NIPSNAP3A: variants seen among roughly 807,000 people sequenced by gnomAD.
NIPSNAP3A encodes the protein nipsnap homolog 3A.
A neutral mutation model predicts 32.3 loss-of-function variants in NIPSNAP3A; 27 were observed. That is an observed-to-expected ratio of 0.84 (90% CI 0.62 to 1.15). NIPSNAP3A has a LOEUF of 1.15. Ranked by LOEUF, NIPSNAP3A falls within the 50% of genes most tolerant of loss-of-function variation. The pLI is 0.00. For missense variants in NIPSNAP3A, 278 were observed against 297.2 expected (o/e 0.94, Z 0.48); for synonymous variants, 108 against 107.3 (o/e 1.01, Z -0.04).
rs1827947592 is a variant in NIPSNAP3A at position 104,759,465 on chromosome 9, T to C, written c.*127T>C. ...TGTTAAGTTAATTTGCTATGTTTCT[T>C]GCATTATGAAGGCTACATCTGTGCT... On this transcript the variant is annotated 3_prime_UTR_variant, in exon 6 of 6. Coordinates refer to ENST00000374767, the MANE Select transcript of NIPSNAP3A (RefSeq NM_015469.3). 9 of 909,594 alleles carry C rather than the reference T, an allele frequency of 9.9e-6. 2 individuals are homozygous for C. In the East Asian group the frequency reaches 2.4e-4, roughly 24 times the overall value. The allele number at this position is 909,594 out of a possible 1,614,324, so 56.3% of individuals were successfully genotyped here.
chr9:104,758,766 C>T (rs1309326426), intron 4 of NIPSNAP3A, among the ~76,000 whole-genome samples: 1 of 151,102 alleles, frequency 6.6e-6, no homozygotes, highest in Non-Finnish European at 1.5e-5. Flanking sequence ...TCGAGACCAG[C>T]CTGCCCAACA....
intron 4 of NIPSNAP3A, among the ~76,000 whole-genome samples, chr9:104,756,760 T>C (rs1359665874): frequency 6.6e-6 from 1 of 151,656 alleles, no homozygotes; most frequent in Non-Finnish European, 1.5e-5. Context: ...GTATATAACA[T>C]ACATAGTAGT....
intron 1 of NIPSNAP3A, 146 bp downstream of exon 1, chr9:104,747,998 C>CCCCGAAACCCCAAGACAGGGGTA: frequency 1.5e-6 from 1 of 684,356 alleles, no homozygotes; most frequent in East Asian, 3.0e-5. Flanking sequence ...CTAGCGTGAG[C>CCCCGAAACCCCAAGACAGGGGTA]CCCGGAACCC....
chr9:104,754,448 C>A (rs2118755266), intron 3 of NIPSNAP3A, 103 bp from the exon 4 acceptor site: 1 of 932,772 alleles, frequency 1.1e-6, no homozygotes. Context: ...CATGTCTGAT[C>A]CTCCAAATCT....
intron 1 of NIPSNAP3A, among the ~76,000 whole-genome samples, 179 bp from the exon 2 acceptor site, chr9:104,750,777 G>T (rs1379005254): frequency 2.6e-5 from 4 of 152,044 alleles, no homozygotes; most frequent in Non-Finnish European, 4.4e-5. Flanking sequence ...CCAGTTCTTT[G>T]TTCAAACACC....
intron 4 of NIPSNAP3A, among the ~76,000 whole-genome samples, chr9:104,755,477 A>G (rs1424284531): frequency 6.6e-6 from 1 of 152,042 alleles, no homozygotes; most frequent in South Asian, 2.1e-4. Context: ...GTAAATATGT[A>G]TATATATTGA....
rs1480874840 is a variant in NIPSNAP3A, at chr9:104,747,961, G to T, written c.60+109G>T. 7.8e-6 allele frequency: 9 copies of T among 1,146,634 alleles called. 1 individual carries two copies. Among genetic ancestry groups the T allele is most frequent in the South Asian group, 7.5e-5 (5 of 66,262 alleles). The allele number at this position is 1,146,634 out of a possible 1,614,324, so 71.0% of individuals were successfully genotyped here. A position where few individuals can be genotyped will look rare whatever the true frequency, so the allele number is the denominator to read the frequency against. Reference sequence around the variant, plus strand: ...TGCGCATGCGCTCTCCGCCACGCGCGCCCAGACCTGGGGCCCCGGTGAGGT... The same window carrying T: ...TGCGCATGCGCTCTCCGCCACGCGCTCCCAGACCTGGGGCCCCGGTGAGGT... On this transcript the variant is annotated intron_variant, in intron 1 of 5. Transcript: ENST00000374767.
At position 104,752,951 on chromosome 9, in the gene NIPSNAP3A, A is replaced by G. The variant is rs147815393; in HGVS notation, c.317A>G (p.Asp106Gly). 4 of 1,613,300 alleles carry G rather than the reference A, an allele frequency of 2.5e-6. No homozygotes were observed. In the African/African-American group the frequency reaches 4.0e-5, roughly 16 times the overall value. Residue 106 changes from aspartate (D) to glycine (G), a missense_variant, in exon 3 of 6, where the codon GAT (aspartate) becomes GGT (glycine). Transcript: ENST00000374767. ...GAAGTTCGGAAAGCCTTGGCCAAAGATAAGGAATGGCAAGAACAATTCCTC... is the reference window on the plus strand; with the variant it reads ...GAAGTTCGGAAAGCCTTGGCCAAAGGTAAGGAATGGCAAGAACAATTCCTC... ...RTEVRKALAK[D>G]KEWQEQFLIP...
rs757477439 is a variant in NIPSNAP3A, at chr9:104,759,066, T to C, written c.581-19T>C. On this transcript the variant is annotated intron_variant, in intron 4 of 5. Transcript: ENST00000374767. ...TAAGGCCATATTTTTTAGAAGCTACTTGTGGTTTATTTCTGCAGTTCATGT... is the reference window on the plus strand; with the variant it reads ...TAAGGCCATATTTTTTAGAAGCTACCTGTGGTTTATTTCTGCAGTTCATGT... 6.2e-7 allele frequency: 1 copy of C among 1,606,150 alleles called. No homozygotes were observed. The highest frequency in any genetic ancestry group is 8.5e-7 in the Non-Finnish European group (1 of 1,175,808).
At chr9:104,758,805 C>CAAAA (rs768554060) in intron 4 of NIPSNAP3A, among the ~76,000 whole-genome samples, 1 of 117,088 alleles carries the variant, frequency 8.5e-6, no homozygotes, top group Admixed American at 8.6e-5. Context: ...ACTAAAAATA[C>CAAAA]AAAAAAAAAA....
In NIPSNAP3A at chr9:104,754,559, G is replaced by A. The variant is rs1205285729; in HGVS notation, c.439G>A (p.Glu147Lys). The A allele has an allele frequency of 1.9e-6, 3 of 1,613,842 alleles. No individual in the cohort carries two copies. Among genetic ancestry groups the A allele is most frequent in the Non-Finnish European group, 2.5e-6 (3 of 1,180,012 alleles). ...TTTTCTCCCTATTCCAGGAGTCTAT[G>A]AACTGGCCACTTTTCAGATGAAACC... Reference protein sequence around the residue: ...LEKPPKEGVYELATFQMKPGG... With the variant: ...LEKPPKEGVYKLATFQMKPGG... The change falls in exon 4 of 6, where the codon GAA becomes AAA. Residue 147 changes from glutamate (E) to lysine (K), a missense_variant. Physicochemically the swap from Glu to Lys is moderately conservative, Grantham distance 56. Transcript: ENST00000374767.
intron 1 of NIPSNAP3A, among the ~76,000 whole-genome samples, chr9:104,748,304 C>CG (rs1239887621): frequency 6.6e-6 from 1 of 152,208 alleles, no homozygotes; most frequent in Non-Finnish European, 1.5e-5. Flanking sequence ...GAATTGTCAA[C>CG]CAGCCGCTTG....
chr9:104,759,328 C>T lies in NIPSNAP3A; in HGVS notation c.734C>T (p.Pro245Leu), dbSNP rs141631987. The change falls in exon 6 of 6, where the codon CCA (proline) becomes CTA (leucine). Residue 245 changes from proline (P) to leucine (L), a missense_variant. Pro to Leu is a moderately conservative substitution (Grantham distance 98, BLOSUM62 -3). Coordinates refer to ENST00000374767, the MANE Select transcript of NIPSNAP3A (RefSeq NM_015469.3). ...CTTCTGATTCCTACATCGTTTTCAC[C>T]ACTGAAATAGTTTTCTACTGAAATA... ...NMLLIPTSFSPLK is the reference protein window; with the variant it reads ...NMLLIPTSFSLLK 92 of 1,613,198 alleles carry T rather than the reference C, an allele frequency of 5.7e-5. 1 individual carries two copies. The African/African-American group carries it at 1.1e-3, about 18-fold the overall frequency.
intron 2 of NIPSNAP3A, 25 bp from the exon 3 acceptor site, chr9:104,752,881 T>C: frequency 6.2e-7 from 1 of 1,600,218 alleles, no homozygotes. Flanking sequence ...ATTTTTTATT[T>C]TTCTTAATTC....
chr9:104,755,646 T>A (rs1261718890), intron 4 of NIPSNAP3A, among the ~76,000 whole-genome samples: 1 of 152,174 alleles, frequency 6.6e-6, no homozygotes, highest in South Asian at 2.1e-4. Context: ...AAAGAGCTGA[T>A]GAGGTAGCTC....
chr9:104,759,096 T>C lies in NIPSNAP3A; in HGVS notation c.592T>C (p.Trp198Arg), dbSNP rs1463127536. Residue 198 changes from tryptophan (W) to arginine (R), a missense_variant, in exon 5 of 6, where the codon TGG (tryptophan) becomes CGG (arginine). Trp to Arg is a moderately radical substitution (Grantham distance 101). Coordinates refer to ENST00000374767, the MANE Select transcript of NIPSNAP3A (RefSeq NM_015469.3). Reference sequence around the variant, plus strand: ...GTTTATTTCTGCAGTTCATGTTCTTTGGTGGAATGAGAGTGCAGATAGTCG... The same window carrying C: ...GTTTATTTCTGCAGTTCATGTTCTTCGGTGGAATGAGAGTGCAGATAGTCG... ...YGALNRVHVL[W>R]WNESADSRAA... 6.2e-7 allele frequency: 1 copy of C among 1,612,104 alleles called. No homozygotes were observed. The highest frequency in any genetic ancestry group is 1.7e-5 in the Admixed American group (1 of 59,786).
At chr9:104,759,039 G>A (rs374573300) in intron 4 of NIPSNAP3A, 46 bp from the exon 5 acceptor site, 6 of 1,293,534 alleles carry the variant, frequency 4.6e-6, no homozygotes, top group Middle Eastern at 2.6e-4. Flanking sequence ...TTTCTTATTT[G>A]TTAAGGCCAT....
chr9:104,750,850 G>A, intron 1 of NIPSNAP3A, 106 bp from the exon 2 acceptor site: 1 of 874,012 alleles, frequency 1.1e-6, no homozygotes, highest in East Asian at 2.5e-5. Context: ...ACAAACATGA[G>A]TAATGAGTCT....
In NIPSNAP3A at chr9:104,750,957, T is replaced by C; in HGVS notation, c.62T>C (p.Met21Thr). Residue 21 changes from methionine to threonine, a missense_variant and splice_region_variant, in exon 2 of 6, where the codon ATG (methionine) becomes ACG (threonine). By Grantham distance (81) the Met-to-Thr change is moderately conservative. Coordinates refer to ENST00000374767, the MANE Select transcript of NIPSNAP3A (RefSeq NM_015469.3). ...ALASRTLAPQMCSSFATGPRQ... is the reference protein window; with the variant it reads ...ALASRTLAPQTCSSFATGPRQ... ...TTACATTTGTCTTATCTTCTTCAGA[T>C]GTGCTCATCTTTTGCTACGGGACCC... is the stretch of plus-strand genomic sequence containing the variant. 3.1e-6 allele frequency: 5 copies of C among 1,608,508 alleles called. No homozygotes were observed. The highest frequency in any genetic ancestry group is 4.3e-6 in the Non-Finnish European group (5 of 1,174,854).
Sources: gnomAD v4.1 joint callset for allele counts (sites outside exome capture counted in the v4.1 genomes callset) on GRCh38, gnomAD v4.1.1 for gene constraint, MANE v1.5 for transcripts, NCBI Gene and HGNC (gene_info 2026-07-23, HGNC 2026-07-21) for gene names.